Variants in CDK8 observed in about 807,000 individuals in gnomAD.
The protein encoded by CDK8 is cyclin dependent kinase 8, also known as cyclin-dependent kinase 8.
CDK8 carries 29 observed loss-of-function variants against 71.5 expected under a neutral mutation model. That is an observed-to-expected ratio of 0.41 (90% CI 0.30 to 0.55). The LOEUF (loss-of-function observed/expected upper bound fraction) is 0.55. Among genes scored for constraint, CDK8 ranks in the 20% least tolerant of loss-of-function variants. The pLI, the probability that CDK8 is intolerant of heterozygous loss-of-function variation, is 0.37. For synonymous variants in CDK8, 161 were observed against 192.1 expected (o/e 0.84, Z 1.34); for missense variants, 288 against 572.6 (o/e 0.50, Z 5.07).
chr13:26,295,376 C>A lies in CDK8; in HGVS notation c.128+40607C>A, dbSNP rs146905177. On this transcript the variant is annotated intron_variant, in intron 1 of 12. Coordinates refer to ENST00000381527, the MANE Select transcript of CDK8 (RefSeq NM_001260.3). ...TTTCCTATTATAATAAGGGAGTCTC[C>A]TGCCTTTACAGAATCTTAGTAGTGT... 5.5e-3 allele frequency among the ~76,000 whole-genome samples: 842 copies of A among 152,192 alleles called. 7 individuals are homozygous for A. The highest frequency in any genetic ancestry group is 0.014 in the Middle Eastern group (4 of 294).
intron 2 of CDK8, among the ~76,000 whole-genome samples, chr13:26,348,630 TG>T (rs1873561295): frequency 6.6e-6 from 1 of 151,824 alleles, no homozygotes; most frequent in Non-Finnish European, 1.5e-5. Context: ...AAATGGTTTC[TG>T]ATGCCAAAAA....
chr13:26,289,706 A>G (rs186560416), intron 1 of CDK8, among the ~76,000 whole-genome samples: 6 of 152,128 alleles, frequency 3.9e-5, no homozygotes, highest in Non-Finnish European at 7.4e-5. Flanking sequence ...ACCTGCCACC[A>G]TGCACAGCTA....
At chr13:26,278,783 G>A (rs1872641742) in intron 1 of CDK8, among the ~76,000 whole-genome samples, 1 of 152,106 alleles carries the variant, frequency 6.6e-6, no homozygotes, top group Non-Finnish European at 1.5e-5. Context: ...GTGTATCTGT[G>A]GGTTCCATAT....
chr13:26,392,388 C>T (rs961504755), intron 6 of CDK8, among the ~76,000 whole-genome samples: 5 of 135,696 alleles, frequency 3.7e-5, no homozygotes, highest in Admixed American at 1.7e-4. Context: ...AGTGCAGTGG[C>T]GCGATCTCGG....
chr13:26,274,677 C>T (rs1227452575), intron 1 of CDK8, among the ~76,000 whole-genome samples: 4 of 152,076 alleles, frequency 2.6e-5, no homozygotes, highest in East Asian at 1.9e-4. Context: ...GTGATCCGCC[C>T]GGCTCATCCT....
At chr13:26,289,051 GTTTTTTTTTT>G (rs5802371) in intron 1 of CDK8, among the ~76,000 whole-genome samples, 1 of 56,230 alleles carries the variant, frequency 1.8e-5, no homozygotes, top group Non-Finnish European at 3.4e-5. Flanking sequence ...AGCTTCTGTA[GTTTTTTTTTT>G]TTTTTTTTTT....
chr13:26,400,517 C>T lies in CDK8; in HGVS notation c.998C>T (p.Pro333Leu), dbSNP rs765661340. 4 of 1,612,862 alleles carry T rather than the reference C, an allele frequency of 2.5e-6. No individual in the cohort carries two copies. Among genetic ancestry groups the T allele is most frequent in the South Asian group, 2.2e-5 (2 of 91,044 alleles). Residue 333 changes from proline (P) to leucine (L), a missense_variant, in exon 10 of 13, where the codon CCC becomes CTC. Physicochemically the swap from Pro to Leu is moderately conservative, Grantham distance 98. This residue lies in a region of CDK8 where 96 missense variants were observed against 229.8 expected (regional missense o/e 0.42). Coordinates refer to ENST00000381527, the MANE Select transcript of CDK8 (RefSeq NM_001260.3). Reference sequence around the variant, plus strand: ...ACCTCAGAACAGGCTATGCAGGACCCCTATTTCTTAGAAGACCCACTTCCT... The same window carrying T: ...ACCTCAGAACAGGCTATGCAGGACCTCTATTTCTTAGAAGACCCACTTCCT... ...RITSEQAMQDPYFLEDPLPTS... is the reference protein window; with the variant it reads ...RITSEQAMQDLYFLEDPLPTS...
intron 1 of CDK8, among the ~76,000 whole-genome samples, chr13:26,318,998 T>G (rs941409437): frequency 6.6e-6 from 1 of 152,134 alleles, no homozygotes; most frequent in Non-Finnish European, 1.5e-5. Flanking sequence ...AAAGGCAGAT[T>G]ATATAATCTT....
intron 4 of CDK8, among the ~76,000 whole-genome samples, chr13:26,361,784 C>CTTTTTT (rs553508554): frequency 1.7e-4 from 11 of 63,346 alleles, no homozygotes; most frequent in African/African-American, 2.8e-4. Flanking sequence ...TTTCTTTTCC[C>CTTTTTT]TTTTTTTTTT....
chr13:26,263,964 G>C (rs1871907496), intron 1 of CDK8, among the ~76,000 whole-genome samples: 1 of 146,972 alleles, frequency 6.8e-6, no homozygotes. Context: ...AGCCAGGATG[G>C]TCTTGATCTC....
At chr13:26,373,133 C>T (rs1276467652) in intron 4 of CDK8, among the ~76,000 whole-genome samples, 2 of 152,232 alleles carry the variant, frequency 1.3e-5, no homozygotes, top group Non-Finnish European at 2.9e-5. Context: ...TCTCATCCTT[C>T]AATCCTTAAA....
chr13:26,382,708 A>T, intron 4 of CDK8, 106 bp from the exon 5 acceptor site: 1 of 664,296 alleles, frequency 1.5e-6, no homozygotes. Flanking sequence ...TAATTTTTGA[A>T]TAAATGAGAT....
rs897756770 is a variant in CDK8, at chr13:26,254,255, C to T, written c.-387C>T. 3.6e-6 allele frequency: 1 copy of T among 278,148 alleles called. No homozygotes were observed. Among genetic ancestry groups the T allele is most frequent in the Non-Finnish European group, 6.9e-6 (1 of 145,746 alleles). 17.2% of individuals were successfully genotyped at this position (278,148 alleles called of 1,614,324 possible). A position where few individuals can be genotyped will look rare whatever the true frequency, so the allele number is the denominator to read the frequency against. ...GAGTGCGCGTGTGAGAGGACGAGAG[C>T]CCGCCTGGCCGCCCCGCCGCTCCCG... On this transcript the variant is annotated 5_prime_UTR_variant, in exon 1 of 13. Coordinates refer to ENST00000381527, the MANE Select transcript of CDK8 (RefSeq NM_001260.3). This position sits in a 1 kb window ranked among gnomAD's most constrained non-coding sequence, Gnocchi z 6.7.
intron 1 of CDK8, among the ~76,000 whole-genome samples, chr13:26,278,120 A>T (rs1467671599): frequency 6.6e-6 from 1 of 152,210 alleles, no homozygotes; most frequent in Non-Finnish European, 1.5e-5. Flanking sequence ...GTTGTGGAAG[A>T]AATTCAAGTA....
At chr13:26,354,984 C>G (rs909891903) in intron 4 of CDK8, among the ~76,000 whole-genome samples, 2 of 152,106 alleles carry the variant, frequency 1.3e-5, no homozygotes, top group Non-Finnish European at 2.9e-5. Flanking sequence ...AAACACAATG[C>G]TAAAAGTGAT....
At chr13:26,316,685 G>A (rs543494788) in intron 1 of CDK8, among the ~76,000 whole-genome samples, 2 of 152,142 alleles carry the variant, frequency 1.3e-5, no homozygotes, top group South Asian at 2.1e-4. Context: ...ACACAGACAC[G>A]CAATAACGAA....
intron 12 of CDK8, among the ~76,000 whole-genome samples, chr13:26,403,286 A>T (rs1876348608): frequency 6.6e-6 from 1 of 152,234 alleles, no homozygotes; most frequent in Non-Finnish European, 1.5e-5. Flanking sequence ...GAGGGGAAGG[A>T]TCACTTGAGG....
chr13:26,254,584 T>TGCC lies in CDK8; in HGVS notation c.-58_-57insGCC. 3.9e-6 allele frequency: 5 copies of TGCC among 1,291,278 alleles called. No individual in the cohort carries two copies. The highest frequency in any genetic ancestry group is 4.3e-6 in the Non-Finnish European group (4 of 938,084). 80.0% of individuals were successfully genotyped at this position (1,291,278 alleles called of 1,614,324 possible). A position where few individuals can be genotyped will look rare whatever the true frequency, so the allele number is the denominator to read the frequency against. ...GCTGCGGCTGCCCGTGCTTCCCCGG[T>TGCC]CCCCACCCCTGCCCCCCGGCCCCCC... On this transcript the variant is annotated 5_prime_UTR_variant, in exon 1 of 13. Coordinates refer to ENST00000381527, the MANE Select transcript of CDK8 (RefSeq NM_001260.3). The surrounding 1 kb of genome is among the most constrained non-coding windows in gnomAD (Gnocchi z 6.7).
At chr13:26,290,806 C>A (rs979103967) in intron 1 of CDK8, among the ~76,000 whole-genome samples, 3 of 145,014 alleles carry the variant, frequency 2.1e-5, no homozygotes, top group South Asian at 2.1e-4. Context: ...TTGCAAAAAA[C>A]AAACAAACAA....
Sources: gnomAD v4.1 joint callset for allele counts (sites outside exome capture counted in the v4.1 genomes callset) on GRCh38, gnomAD v4.1.1 for gene constraint, gnomAD v4.1.1 regional missense constraint, Gnocchi (gnomAD v3.1) non-coding constraint, MANE v1.5 for transcripts, NCBI Gene and HGNC (gene_info 2026-07-23, HGNC 2026-07-21) for gene names.